USP25: variants seen among roughly 807,000 people sequenced by gnomAD.
USP25 encodes the protein ubiquitin carboxyl-terminal hydrolase 25.
Under a neutral mutation model 158.5 loss-of-function variants are expected in USP25, and 85 were observed. The observed-to-expected ratio is 0.54, with a 90% CI of 0.45 to 0.64. The LOEUF is 0.64. Among genes scored for constraint, USP25 ranks in the 30% least tolerant of loss-of-function variants. The pLI is 0.00. For missense variants in USP25, 1,242 were observed against 1,327.3 expected, an observed-to-expected ratio of 0.94 and a Z score of 1.00; for synonymous variants, 464 against 460.4, an observed-to-expected ratio of 1.01 and a Z score of -0.10.
chr21:15,742,555 T>G (rs1601247633), intron 1 of USP25, among the ~76,000 whole-genome samples: 1 of 152,160 alleles, frequency 6.6e-6, no homozygotes, highest in African/African-American at 2.4e-5. Flanking sequence ...CTGGGCTGGG[T>G]CTGGGTGTCT....
At chr21:15,872,074 C>CT (rs2039918002) in intron 23 of USP25, among the ~76,000 whole-genome samples, 1 of 107,404 alleles carries the variant, frequency 9.3e-6, no homozygotes. Context: ...GTTATTGTAG[C>CT]TAGCTGTTTG....
At chr21:15,780,765 TTTTTTATCCTTATCATTAC>T (rs1260768675) in intron 4 of USP25, among the ~76,000 whole-genome samples, 2 of 152,226 alleles carry the variant, frequency 1.3e-5, no homozygotes. Flanking sequence ...AACTCCTACA[TTTTTTATCCTTATCATTAC>T]TGAGGAAGCA....
chr21:15,764,010 A>G (rs1035579992), intron 2 of USP25, among the ~76,000 whole-genome samples: 1 of 152,124 alleles, frequency 6.6e-6, no homozygotes, highest in African/African-American at 2.4e-5. Flanking sequence ...GCCACACTTA[A>G]TTTATGCTTC....
At chr21:15,740,777 A>G (rs936601854) in intron 1 of USP25, among the ~76,000 whole-genome samples, 12 of 149,582 alleles carry the variant, frequency 8.0e-5, no homozygotes, top group African/African-American at 2.9e-4. Context: ...ATATATTAAG[A>G]TTAGTATTCT....
intron 23 of USP25, 50 bp downstream of exon 23, chr21:15,870,197 T>C (rs760906706): frequency 7.4e-7 from 1 of 1,353,542 alleles, no homozygotes. Context: ...TGCACTTAAT[T>C]CTATTCAGGT....
intron 1 of USP25, among the ~76,000 whole-genome samples, chr21:15,747,928 T>C (rs545876390): frequency 3.5e-4 from 54 of 152,394 alleles, no homozygotes; most frequent in Admixed American, 9.1e-4. Context: ...TTATTCTCTT[T>C]ATGTACTTTC....
At chr21:15,840,852 G>A (rs987665426) in intron 17 of USP25, among the ~76,000 whole-genome samples, 5 of 152,124 alleles carry the variant, frequency 3.3e-5, no homozygotes, top group Non-Finnish European at 7.4e-5. Context: ...TATCTGCTAT[G>A]GTGAAGAGAG....
At chr21:15,870,983 C>T (rs976343241) in intron 23 of USP25, among the ~76,000 whole-genome samples, 22 of 152,198 alleles carry the variant, frequency 1.4e-4, no homozygotes, top group Admixed American at 2.0e-4. Context: ...TCGGTTACAC[C>T]GGCCACGTTT....
At chr21:15,867,880 T>C (rs1474712805) in intron 22 of USP25, among the ~76,000 whole-genome samples, 1 of 152,168 alleles carries the variant, frequency 6.6e-6, no homozygotes, top group Non-Finnish European at 1.5e-5. Context: ...TGGGCATACA[T>C]ATGGTATTTG....
intron 17 of USP25, among the ~76,000 whole-genome samples, chr21:15,838,247 A>G (rs1401828924): frequency 6.6e-6 from 1 of 151,686 alleles, no homozygotes; most frequent in Non-Finnish European, 1.5e-5. Context: ...GTTCTTATTT[A>G]TATCTCCAGC....
In USP25 at chr21:15,826,485, A is replaced by C; in HGVS notation, c.1466+120A>C. The C allele has an allele frequency of 8.5e-7, 1 of 1,173,788 alleles. No individual in the cohort carries two copies. The highest frequency in any genetic ancestry group is 1.2e-6 in the Non-Finnish European group (1 of 832,130). The allele number at this position is 1,173,788 out of a possible 1,614,324, so 72.7% of individuals were successfully genotyped here. The stretch of plus-strand genomic sequence containing the variant: ...TTTGATTTACTTCAGTGAACTCCTA[A>C]GAGTAGATTCACTTAGAAGACTGTA... On this transcript the variant is annotated intron_variant, in intron 13 of 25. Coordinates refer to ENST00000400183, the MANE Select transcript of USP25 (RefSeq NM_001283041.3). This position sits in a 1 kb window ranked among gnomAD's most constrained non-coding sequence, Gnocchi z 4.8.
intron 14 of USP25, among the ~76,000 whole-genome samples, chr21:15,828,001 TATC>T (rs2037611536): frequency 2.0e-5 from 3 of 152,126 alleles, no homozygotes; most frequent in Admixed American, 6.5e-5. Context: ...AATTCCCTAT[TATC>T]ATTCCCCAAT....
At chr21:15,803,584 A>G (rs1450833707) in intron 6 of USP25, among the ~76,000 whole-genome samples, 2 of 151,916 alleles carry the variant, frequency 1.3e-5, no homozygotes, top group East Asian at 1.9e-4. Context: ...TCTAGAAACT[A>G]GGAAGCAATT....
chr21:15,856,693 G>C (rs1329638045), intron 20 of USP25, among the ~76,000 whole-genome samples: 1 of 152,040 alleles, frequency 6.6e-6, no homozygotes, highest in African/African-American at 2.4e-5. Context: ...GGATGGTCTC[G>C]ATCTCCTGAC....
chr21:15,790,306 A>G (rs747274298), intron 4 of USP25, among the ~76,000 whole-genome samples: 94 of 151,998 alleles, frequency 6.2e-4, no homozygotes, highest in Non-Finnish European at 1.6e-4. Context: ...TTTTCACTAT[A>G]TGAGTTTACA....
intron 5 of USP25, among the ~76,000 whole-genome samples, chr21:15,794,218 T>G (rs2035741629): frequency 6.6e-6 from 1 of 151,698 alleles, no homozygotes; most frequent in South Asian, 2.1e-4. Context: ...GCTACAACAG[T>G]TATAGATAGC....
chr21:15,834,946 C>T (rs1166890422), intron 17 of USP25, among the ~76,000 whole-genome samples: 1 of 152,234 alleles, frequency 6.6e-6, no homozygotes, highest in Non-Finnish European at 1.5e-5. Flanking sequence ...AAGCTCAAAT[C>T]ACAGTGTAGT....
At chr21:15,862,591 A>G (rs1191086090) in intron 20 of USP25, among the ~76,000 whole-genome samples, 3 of 144,282 alleles carry the variant, frequency 2.1e-5, no homozygotes, top group Non-Finnish European at 4.5e-5. Context: ...TTTTTTCCGA[A>G]TTTGGATAAT....
chr21:15,871,780 A>G (rs1483362269), intron 23 of USP25, among the ~76,000 whole-genome samples: 1 of 152,056 alleles, frequency 6.6e-6, no homozygotes, highest in African/African-American at 2.4e-5. Flanking sequence ...ATACTTACCA[A>G]ATTAGAAGGA....
Sources: allele counts gnomAD v4.1 joint callset (sites outside exome capture counted in the v4.1 genomes callset), GRCh38; gene constraint gnomAD v4.1.1; non-coding constraint Gnocchi (gnomAD v3.1); transcripts MANE v1.5; gene names NCBI Gene and HGNC (gene_info 2026-07-23, HGNC 2026-07-21).